The following SHISA9 variants were observed in gnomAD, a reference collection of about 807,000 sequenced individuals.
SHISA9 encodes the protein shisa family member 9, also known as protein shisa-9.
Under a neutral mutation model 38.0 loss-of-function variants are expected in SHISA9, and 13 were observed. That is an observed-to-expected ratio of 0.34 (90% CI 0.22 to 0.54). SHISA9 has a LOEUF of 0.54. SHISA9 is among the 20% of genes least tolerant of loss of function. The pLI is 0.91. For missense variants in SHISA9, 538 were observed against 575.8 expected (o/e 0.93, Z 0.67); for synonymous variants, 275 against 242.0 (o/e 1.14, Z -1.27).
rs117406443 is a variant in SHISA9 at position 13,035,767 on chromosome 16, G to C, written c.691+118952G>C. 1.9e-3 allele frequency among the ~76,000 whole-genome samples: 290 copies of C among 152,222 alleles called. 11 individuals carry two copies. In the East Asian group the frequency reaches 0.051, roughly 27 times the overall value. ...GCTGGCCTCAAACTCCTGACCTCAGGTGATCTGCCTGCCAATAACTTCCAT... is the reference window on the plus strand; with the variant it reads ...GCTGGCCTCAAACTCCTGACCTCAGCTGATCTGCCTGCCAATAACTTCCAT... On this transcript the variant is annotated intron_variant, in intron 2 of 4. Coordinates refer to ENST00000558583, the MANE Select transcript of SHISA9 (RefSeq NM_001145204.3).
chr16:13,473,349 C>CTTTTTTTTTTTTTTTTTTTT, the SHISA9 span, among the ~76,000 whole-genome samples: 1 of 73,902 alleles, frequency 1.4e-5, no homozygotes, highest in Non-Finnish European at 2.6e-5. Context: ...TTCTTTCTTT[C>CTTTTTTTTTTTTTTTTTTTT]TTTTTTTTTT....
the SHISA9 span, among the ~76,000 whole-genome samples, chr16:13,473,216 T>G: frequency 7.2e-5 from 11 of 152,216 alleles, no homozygotes; most frequent in Admixed American, 7.2e-4. Flanking sequence ...GTGCTCAGTC[T>G]TGGGCTGATT....
chr16:13,416,017 G>A, the SHISA9 span, among the ~76,000 whole-genome samples: 2 of 152,142 alleles, frequency 1.3e-5, no homozygotes, highest in Non-Finnish European at 2.9e-5. Context: ...TCGTGGCATT[G>A]GTGATGCTCT....
chr16:13,268,557 G>A, the SHISA9 span, among the ~76,000 whole-genome samples: 2 of 152,082 alleles, frequency 1.3e-5, no homozygotes, highest in Non-Finnish European at 2.9e-5. Flanking sequence ...AATTCATGTT[G>A]TACAAGACTT....
the SHISA9 span, among the ~76,000 whole-genome samples, chr16:13,451,955 A>G: frequency 6.6e-6 from 1 of 152,194 alleles, no homozygotes; most frequent in Admixed American, 6.6e-5. Flanking sequence ...GAGAAGGGGT[A>G]CAGAGAGACT....
intron 2 of SHISA9, among the ~76,000 whole-genome samples, chr16:13,181,635 C>T (rs1256863108): frequency 6.6e-6 from 1 of 151,600 alleles, no homozygotes; most frequent in Admixed American, 6.6e-5. Flanking sequence ...TGTCATAGCT[C>T]GTGTGTTAGA....
At chr16:13,505,504 C>T in the SHISA9 span, among the ~76,000 whole-genome samples, 1 of 152,180 alleles carries the variant, frequency 6.6e-6, no homozygotes, top group Admixed American at 6.5e-5. Context: ...GCAACAGTTA[C>T]CAAGATTTTC....
intron 2 of SHISA9, among the ~76,000 whole-genome samples, chr16:13,097,712 C>T (rs2073841632): frequency 6.6e-6 from 1 of 152,134 alleles, no homozygotes; most frequent in African/African-American, 2.4e-5. Context: ...CCTGATCATG[C>T]AGTCTTTAGT....
chr16:13,183,778 C>T (rs144245971), intron 2 of SHISA9, among the ~76,000 whole-genome samples: 1 of 152,298 alleles, frequency 6.6e-6, no homozygotes, highest in East Asian at 1.9e-4. Flanking sequence ...GATCTAATTG[C>T]TCTCTTGGCT....
chr16:13,277,487 G>A, the SHISA9 span, among the ~76,000 whole-genome samples: 18 of 151,766 alleles, frequency 1.2e-4, no homozygotes, highest in Non-Finnish European at 1.9e-4. Context: ...GGATTGCATT[G>A]AATTTGTAGG....
rs2072055526 is a variant in SHISA9 at position 12,970,428 on chromosome 16, TATATATATATACACAC to T, written c.691+53627_691+53642del. On this transcript the variant is annotated intron_variant, in intron 2 of 4. Coordinates refer to ENST00000558583, the MANE Select transcript of SHISA9 (RefSeq NM_001145204.3). Reference sequence around the variant, plus strand: ...ACATATATATATATACACATATATGTATATATATATACACACATATATATATACATATATGTGTGTG... The same window carrying T: ...ACATATATATATATACACATATATGTATATATATATACATATATGTGTGTG... Among the ~76,000 whole-genome samples the T allele has an allele frequency of 3.1e-5, 2 of 64,944 alleles. 1 individual carries two copies. Among genetic ancestry groups the T allele is most frequent in the Non-Finnish European group, 6.0e-5 (2 of 33,498 alleles). 42.6% of individuals were successfully genotyped at this position (64,944 alleles called of 152,430 possible). A position where few individuals can be genotyped will look rare whatever the true frequency, so the allele number is the denominator to read the frequency against.
chr16:13,076,989 G>T (rs1179149525), intron 2 of SHISA9, among the ~76,000 whole-genome samples: 1 of 152,178 alleles, frequency 6.6e-6, no homozygotes, highest in Non-Finnish European at 1.5e-5. Context: ...GTTACAACCG[G>T]GTTTGAGGCA....
At chr16:13,409,035 C>G in the SHISA9 span, among the ~76,000 whole-genome samples, 2 of 152,146 alleles carry the variant, frequency 1.3e-5, no homozygotes, top group Non-Finnish European at 2.9e-5. Flanking sequence ...ACCCTGAACC[C>G]CAGGCTCCGG....
chr16:12,903,894 A>G (rs544889280), intron 1 of SHISA9, among the ~76,000 whole-genome samples: 1 of 152,098 alleles, frequency 6.6e-6, no homozygotes, highest in Non-Finnish European at 1.5e-5. Flanking sequence ...GAACATCACC[A>G]CCTCACTAGT....
chr16:13,112,557 G>A (rs571967970), intron 2 of SHISA9, among the ~76,000 whole-genome samples: 13 of 152,072 alleles, frequency 8.5e-5, no homozygotes, highest in African/African-American at 2.7e-4. Flanking sequence ...GAATCCCTGG[G>A]GTCAATTCTG....
intron 2 of SHISA9, among the ~76,000 whole-genome samples, chr16:13,108,342 C>T (rs150473891): frequency 6.6e-6 from 1 of 152,100 alleles, no homozygotes; most frequent in African/African-American, 2.4e-5. Flanking sequence ...GTTACTCAGC[C>T]TGGTCTCAAA....
the SHISA9 span, among the ~76,000 whole-genome samples, chr16:13,466,817 T>G: frequency 5.3e-5 from 8 of 152,226 alleles, no homozygotes; most frequent in Non-Finnish European, 1.2e-4. Flanking sequence ...TTATAGCATT[T>G]AGGTTTACTG....
At chr16:13,261,541 G>A in the SHISA9 span, among the ~76,000 whole-genome samples, 1 of 152,164 alleles carries the variant, frequency 6.6e-6, no homozygotes, top group South Asian at 2.1e-4. Context: ...CCAAGCTGAT[G>A]AAACACCAGA....
intron 3 of SHISA9, among the ~76,000 whole-genome samples, chr16:13,210,476 T>C (rs1241682089): frequency 6.6e-6 from 1 of 152,250 alleles, no homozygotes; most frequent in Non-Finnish European, 1.5e-5. Context: ...TGTTGCTATT[T>C]GACAGATGAT....
Sources: allele counts gnomAD v4.1 joint callset (sites outside exome capture counted in the v4.1 genomes callset), GRCh38; gene constraint gnomAD v4.1.1; transcripts MANE v1.5; gene names NCBI Gene and HGNC (gene_info 2026-07-23, HGNC 2026-07-21).